Variants in ZNF362 observed in about 807,000 individuals in gnomAD.
The protein encoded by ZNF362 is rotund homolog.
ZNF362 carries 11 observed loss-of-function variants against 42.9 expected under a neutral mutation model. The observed-to-expected ratio is 0.26, with a 90% CI of 0.16 to 0.42. The LOEUF is 0.42. Ranked by LOEUF, ZNF362 falls within the 20% of genes least tolerant of loss-of-function variation. The pLI is 1.00. For missense variants in ZNF362, 362 were observed against 576.2 expected, an observed-to-expected ratio of 0.63 and a Z score of 3.81; for synonymous variants, 255 against 257.3, an observed-to-expected ratio of 0.99 and a Z score of 0.09.
the ZNF362 span, among the ~76,000 whole-genome samples, chr1:33,208,361 G>A: frequency 6.6e-6 from 1 of 152,086 alleles, no homozygotes; most frequent in Non-Finnish European, 1.5e-5. Flanking sequence ...GTCAGGTAGC[G>A]TGATGCCTCC....
At chr1:33,274,848 T>G in intron 2 of ZNF362, 1 of 743,328 alleles carries the variant, frequency 1.3e-6, no homozygotes, top group Non-Finnish European at 1.6e-6. Context: ...GTTTCTTCAC[T>G]GATAAAATGG....
At chr1:33,211,373 A>C in the ZNF362 span, among the ~76,000 whole-genome samples, 24 of 152,224 alleles carry the variant, frequency 1.6e-4, no homozygotes, top group Middle Eastern at 3.4e-3. Flanking sequence ...AGTGGCTGGT[A>C]CCGTTTGTTC....
At chr1:33,214,720 A>G in the ZNF362 span, among the ~76,000 whole-genome samples, 2 of 152,370 alleles carry the variant, frequency 1.3e-5, no homozygotes, top group African/African-American at 2.4e-5. Context: ...AAGACCTACA[A>G]ATGATTGATA....
At chr1:33,154,179 G>C in the ZNF362 span, among the ~76,000 whole-genome samples, 2 of 152,220 alleles carry the variant, frequency 1.3e-5, no homozygotes, top group Non-Finnish European at 2.9e-5. Flanking sequence ...TCTAAAGATG[G>C]GCCGGGTGTG....
At chr1:33,289,757 G>T (rs1646062143) in intron 6 of ZNF362, among the ~76,000 whole-genome samples, 1 of 152,226 alleles carries the variant, frequency 6.6e-6, no homozygotes, top group African/African-American at 2.4e-5. Context: ...GCCAGGCGCT[G>T]GGGTGATGGT....
chr1:33,201,688 C>T, the ZNF362 span, among the ~76,000 whole-genome samples: 1 of 151,988 alleles, frequency 6.6e-6, no homozygotes, highest in Non-Finnish European at 1.5e-5. Flanking sequence ...TAATCAAGGG[C>T]CTTAGCTTTC....
chr1:33,205,077 A>G, the ZNF362 span, among the ~76,000 whole-genome samples: 1 of 152,054 alleles, frequency 6.6e-6, no homozygotes, highest in Admixed American at 6.6e-5. Context: ...TAAGATGTCA[A>G]CTCTCTCAAA....
the ZNF362 span, among the ~76,000 whole-genome samples, chr1:33,250,013 A>G: frequency 6.6e-6 from 1 of 152,184 alleles, no homozygotes; most frequent in Non-Finnish European, 1.5e-5. Flanking sequence ...TCTTTGAGGG[A>G]AACAAAATGA....
the ZNF362 span, chr1:33,164,790 C>CATTT: frequency 6.6e-6 from 1 of 151,758 alleles, no homozygotes; most frequent in African/African-American, 2.4e-5. Flanking sequence ...TTCATTCATT[C>CATTT]ATTTTAGAGA....
At chr1:33,147,136 T>C in the ZNF362 span, 1 of 1,591,558 alleles carries the variant, frequency 6.3e-7, no homozygotes, top group East Asian at 2.2e-5. The surrounding 1 kb of genome is among the most constrained non-coding windows in gnomAD (Gnocchi z 8.1). Flanking sequence ...CTCTTGCAGG[T>C]GGCAGTGGTC....
chr1:33,137,663 C>G, the ZNF362 span, among the ~76,000 whole-genome samples: 1 of 152,138 alleles, frequency 6.6e-6, no homozygotes, highest in African/African-American at 2.4e-5. Flanking sequence ...ATTCCTTGGG[C>G]AGAGTATGGG....
At chr1:33,158,455 T>C in the ZNF362 span, 1 of 1,007,084 alleles carries the variant, frequency 9.9e-7, no homozygotes, top group African/African-American at 1.6e-5. Flanking sequence ...TCAGGGCAGC[T>C]GGCATAGGAT....
At chr1:33,285,042 A>C (rs1646022051) in intron 6 of ZNF362, among the ~76,000 whole-genome samples, 1 of 152,236 alleles carries the variant, frequency 6.6e-6, no homozygotes, top group South Asian at 2.1e-4. Context: ...TGCTTAGTTA[A>C]TTGTAATAAT....
At chr1:33,193,409 G>A in the ZNF362 span, among the ~76,000 whole-genome samples, 1 of 152,054 alleles carries the variant, frequency 6.6e-6, no homozygotes, top group East Asian at 1.9e-4. Flanking sequence ...CACAATGCAG[G>A]GCACACAGGA....
At chr1:33,148,808 C>A in the ZNF362 span, among the ~76,000 whole-genome samples, 1 of 152,162 alleles carries the variant, frequency 6.6e-6, no homozygotes, top group Non-Finnish European at 1.5e-5. Flanking sequence ...AGATTGAAAA[C>A]CATGAATTCT....
chr1:33,148,127 G>A, the ZNF362 span, among the ~76,000 whole-genome samples: 2 of 152,180 alleles, frequency 1.3e-5, no homozygotes, highest in Non-Finnish European at 2.9e-5. Context: ...AAATTGGTGA[G>A]TGTGTTCAGG....
chr1:33,169,795 G>C, the ZNF362 span, among the ~76,000 whole-genome samples: 1 of 152,238 alleles, frequency 6.6e-6, no homozygotes, highest in Non-Finnish European at 1.5e-5. Context: ...CTGGGCTGCT[G>C]TATCAGACAG....
chr1:33,203,486 C>A, the ZNF362 span, among the ~76,000 whole-genome samples: 1 of 152,098 alleles, frequency 6.6e-6, no homozygotes, highest in African/African-American at 2.4e-5. Context: ...TTTGTATATA[C>A]CCACAAGAAG....
At chr1:33,157,542 T>TGA in the ZNF362 span, among the ~76,000 whole-genome samples, 1,269 of 152,272 alleles carry the variant, frequency 8.3e-3, 17 homozygotes, top group African/African-American at 0.029. Flanking sequence ...GATTTACTTT[T>TGA]GTCTACTTTC....
Sources: gnomAD v4.1 joint callset for allele counts (sites outside exome capture counted in the v4.1 genomes callset) on GRCh38, gnomAD v4.1.1 for gene constraint, Gnocchi (gnomAD v3.1) non-coding constraint, MANE v1.5 for transcripts, NCBI Gene and HGNC (gene_info 2026-07-23, HGNC 2026-07-21) for gene names.